The following DRC3 variants were observed in gnomAD, a reference collection of about 807,000 sequenced individuals.
DRC3 encodes leucine rich repeat containing 48.
Under a neutral mutation model 57.6 loss-of-function variants are expected in DRC3, and 45 were observed. That is an observed-to-expected ratio of 0.78 (90% CI 0.62 to 1.00). The LOEUF is 1.00. Ranked by LOEUF, DRC3 falls within the 50% of genes least tolerant of loss-of-function variation. The pLI is 0.00. For synonymous variants in DRC3, 257 were observed against 272.3 expected, an observed-to-expected ratio of 0.94 and a Z score of 0.55; for missense variants, 655 against 675.2, an observed-to-expected ratio of 0.97 and a Z score of 0.33.
Position 17,973,959 on chromosome 17 carries a change from T to G in DRC3, c.-21T>G, listed in dbSNP as rs2042259978. On this transcript the variant is annotated 5_prime_UTR_variant, in exon 2 of 14. Coordinates refer to ENST00000399187, the MANE Select transcript of DRC3 (RefSeq NM_031294.4). ...TCTCTGGTCTTCAACAACACTATCA[T>G]CAGGCAAGTCAAAGGGGACCCAGGT... 1 of 152,266 alleles carries G rather than the reference T, an allele frequency of 6.6e-6. No homozygotes were observed. The allele number at this position is 152,266 out of a possible 1,614,324, so 9.4% of individuals were successfully genotyped here.
At chr17:18,016,019 G>A (rs746121196) in intron 12 of DRC3, 45 bp from the exon 13 acceptor site, 2 of 1,605,456 alleles carry the variant, frequency 1.2e-6, no homozygotes, top group South Asian at 1.1e-5. Flanking sequence ...TGTGTTCACG[G>A]TATAATGACA....
chr17:17,977,463 G>C, intron 2 of DRC3, 119 bp from the exon 3 acceptor site: 1 of 1,184,732 alleles, frequency 8.4e-7, no homozygotes, highest in Non-Finnish European at 1.2e-6. Flanking sequence ...AGGGCTGGGC[G>C]TGGGGCATTC....
Position 17,987,961 on chromosome 17 carries a change from G to A in DRC3, c.307G>A (p.Glu103Lys), listed in dbSNP as rs779436451. The change falls in exon 5 of 14, where the codon GAG becomes AAG. Residue 103 changes from glutamate (E) to lysine (K), a missense_variant. Physicochemically the swap from Glu to Lys is moderately conservative, Grantham distance 56. Transcript: ENST00000399187. ...GTCTTTCAACAACATTGAGACCATC[G>A]AGGGGCTGGACACACTGGTGAACCT... The part of the protein sequence containing the change: ...DLSFNNIETI[E>K]GLDTLVNLED... 37 of 1,613,802 alleles carry A rather than the reference G, an allele frequency of 2.3e-5. No homozygotes were observed. The highest frequency in any genetic ancestry group is 4.0e-5 in the African/African-American group (3 of 74,900).
intron 12 of DRC3, among the ~76,000 whole-genome samples, chr17:18,012,765 A>T (rs1466468329): frequency 1.3e-5 from 2 of 152,208 alleles, no homozygotes; most frequent in Admixed American, 6.5e-5. Context: ...CTGGGAAAAA[A>T]TTTTATGAAT....
intron 3 of DRC3, among the ~76,000 whole-genome samples, chr17:17,980,882 C>T (rs987834356): frequency 3.4e-4 from 51 of 152,230 alleles, no homozygotes; most frequent in African/African-American, 1.2e-3. Context: ...TGTGAGCCAC[C>T]GCACCTAGCC....
intron 12 of DRC3, chr17:18,011,163 G>C (rs2044155180): frequency 4.6e-6 from 1 of 219,554 alleles, no homozygotes. Flanking sequence ...CTCCATGTTG[G>C]TCAGGCTGGT....
At chr17:18,003,637 CTTTTTTTT>C (rs758041562) in intron 9 of DRC3, among the ~76,000 whole-genome samples, 12 of 103,910 alleles carry the variant, frequency 1.2e-4, no homozygotes, top group African/African-American at 4.3e-4. Flanking sequence ...TTTTAAGTAT[CTTTTTTTT>C]TTTTTTTTTT....
At chr17:17,978,090 C>T in intron 3 of DRC3, 2 of 191,192 alleles carry the variant, frequency 1.0e-5, no homozygotes, top group South Asian at 2.2e-4. Context: ...GAGTGGGGGT[C>T]CCTGGCAGGC....
At chr17:17,999,012 G>A (rs572096672) in intron 9 of DRC3, among the ~76,000 whole-genome samples, 3 of 152,144 alleles carry the variant, frequency 2.0e-5, no homozygotes, top group African/African-American at 4.8e-5. Context: ...CTCCAGTCCC[G>A]CAGTCCCTGT....
intron 3 of DRC3, among the ~76,000 whole-genome samples, chr17:17,980,253 T>A (rs897124203): frequency 6.7e-6 from 1 of 148,654 alleles, no homozygotes; most frequent in Non-Finnish European, 1.5e-5. Context: ...GTTTTTTTTT[T>A]GTTTGTTTGT....
chr17:17,994,869 G>A (rs111820473), intron 7 of DRC3, 130 bp from the exon 8 acceptor site: 71 of 659,922 alleles, frequency 1.1e-4, no homozygotes, highest in African/African-American at 9.2e-4. Context: ...TTATGCCTCT[G>A]CACCTCTGCA....
chr17:17,978,669 C>T (rs1215891979), intron 3 of DRC3, among the ~76,000 whole-genome samples: 1 of 152,232 alleles, frequency 6.6e-6, no homozygotes, highest in African/African-American at 2.4e-5. Context: ...AGGCACAGCC[C>T]CACGAAGCCC....
At chr17:17,984,863 T>C (rs1392025576) in intron 4 of DRC3, among the ~76,000 whole-genome samples, 2 of 152,166 alleles carry the variant, frequency 1.3e-5, no homozygotes, top group Non-Finnish European at 2.9e-5. Flanking sequence ...TCCTTTGTGC[T>C]GACAATTGCA....
At chr17:17,985,385 G>A (rs75373736) in intron 4 of DRC3, among the ~76,000 whole-genome samples, 2,654 of 152,314 alleles carry the variant, frequency 0.017, 83 homozygotes, top group African/African-American at 0.06. Flanking sequence ...GGCAGGCTCT[G>A]TTAAGAGGTC....
intron 12 of DRC3, among the ~76,000 whole-genome samples, chr17:18,010,371 C>G (rs1194354486): frequency 6.6e-6 from 1 of 152,160 alleles, no homozygotes; most frequent in Non-Finnish European, 1.5e-5. Context: ...CAGCTGTTGC[C>G]TTCTCAAAAG....
chr17:17,981,437 G>T (rs2042680456), intron 3 of DRC3: 1 of 161,190 alleles, frequency 6.2e-6, no homozygotes, highest in East Asian at 1.7e-4. Context: ...ATGAGGTAAG[G>T]GGAGGGCGGG....
At chr17:17,991,879 G>A (rs934409816) in intron 5 of DRC3, among the ~76,000 whole-genome samples, 3 of 152,274 alleles carry the variant, frequency 2.0e-5, no homozygotes, top group East Asian at 3.9e-4. Context: ...AGTGGCTCAC[G>A]CCTGTAATCC....
chr17:17,977,536 A>G (rs2042444759), intron 2 of DRC3, 46 bp from the exon 3 acceptor site: 1 of 1,610,108 alleles, frequency 6.2e-7, no homozygotes, highest in Non-Finnish European at 8.5e-7. Context: ...CTGCCCTCAA[A>G]CAGAGAAAGA....
chr17:18,001,172 T>A (rs2043717754), intron 9 of DRC3, among the ~76,000 whole-genome samples: 1 of 152,034 alleles, frequency 6.6e-6, no homozygotes, highest in African/African-American at 2.4e-5. Flanking sequence ...TAAGTTCTCA[T>A]AACCTACTAC....
Sources: gnomAD v4.1 joint callset for allele counts (sites outside exome capture counted in the v4.1 genomes callset) on GRCh38, gnomAD v4.1.1 for gene constraint, MANE v1.5 for transcripts, NCBI Gene and HGNC (gene_info 2026-07-23, HGNC 2026-07-21) for gene names.